SUGCT: variants seen among roughly 807,000 people sequenced by gnomAD.
The protein encoded by SUGCT is succinyl-CoA:glutarate CoA-transferase.
In SUGCT, 41 loss-of-function variants were observed where a neutral mutation model predicts 55.0. That is an observed-to-expected ratio of 0.74 (90% CI 0.58 to 0.97). The LOEUF (loss-of-function observed/expected upper bound fraction) is 0.97. Ranked by LOEUF, SUGCT falls within the 50% of genes least tolerant of loss-of-function variation. SUGCT has a pLI of 0.00. For synonymous variants in SUGCT, 187 were observed against 200.4 expected (o/e 0.93, Z 0.56); for missense variants, 568 against 547.8 (o/e 1.04, Z -0.37).
chr7:40,942,929 A>G, the SUGCT span, among the ~76,000 whole-genome samples: 1 of 152,074 alleles, frequency 6.6e-6, no homozygotes, highest in Non-Finnish European at 1.5e-5. Flanking sequence ...TTTAAAAAAT[A>G]TCTGTCTCTT....
chr7:40,822,312 A>G (rs913329204), intron 13 of SUGCT, among the ~76,000 whole-genome samples: 1 of 152,046 alleles, frequency 6.6e-6, no homozygotes, highest in Non-Finnish European at 1.5e-5. Flanking sequence ...CAATTCCTGG[A>G]TATCCTTGTT....
chr7:40,281,846 G>A (rs1792972589), intron 8 of SUGCT, among the ~76,000 whole-genome samples: 1 of 152,046 alleles, frequency 6.6e-6, no homozygotes, highest in East Asian at 1.9e-4. Flanking sequence ...TGGAGACAGG[G>A]TCTCAATCTG....
At chr7:40,989,250 C>A in the SUGCT span, among the ~76,000 whole-genome samples, 1 of 152,162 alleles carries the variant, frequency 6.6e-6, no homozygotes, top group Non-Finnish European at 1.5e-5. Context: ...GATACTGTTT[C>A]ATAGCATTTT....
chr7:40,429,108 C>T (rs1443014016), intron 9 of SUGCT, among the ~76,000 whole-genome samples: 1 of 125,630 alleles, frequency 8.0e-6, no homozygotes. Flanking sequence ...TATCCATCAT[C>T]TCACATAATT....
At chr7:40,238,362 CA>C (rs1266126330) in intron 7 of SUGCT, among the ~76,000 whole-genome samples, 2 of 150,988 alleles carry the variant, frequency 1.3e-5, no homozygotes, top group Admixed American at 1.3e-4. Context: ...TTTAGATGGC[CA>C]AAATGTGGTT....
intron 13 of SUGCT, among the ~76,000 whole-genome samples, chr7:40,810,302 CA>C (rs1200470156): frequency 2.6e-5 from 4 of 152,080 alleles, no homozygotes; most frequent in Admixed American, 6.5e-5. Flanking sequence ...ATTGCTAGGT[CA>C]AATGGAAGCT....
rs147377306 is a variant in SUGCT, at chr7:40,551,605, C to A, written c.1089+55219C>A. Among the ~76,000 whole-genome samples, 580 of 152,258 alleles carry A rather than the reference C, an allele frequency of 3.8e-3. 3 individuals are homozygous for A. The highest frequency in any genetic ancestry group is 6.7e-3 in the Non-Finnish European group (457 of 68,026). ...GTATCCATCATTCACTCCACATACA[C>A]CCATGGGCACCATAAGTGATCACTC... is the stretch of plus-strand genomic sequence containing the variant. On this transcript the variant is annotated intron_variant, in intron 12 of 13. Transcript: ENST00000335693.
rs140984053 is a variant in SUGCT, at chr7:40,169,583, C to T, written c.101-11364C>T. ...ATTCCCTTGACATAATAGACATGGA[C>T]GAAGGGGAGGCTTATTTCTATTCGG... On this transcript the variant is annotated intron_variant, in intron 1 of 13. Coordinates refer to ENST00000335693, the MANE Select transcript of SUGCT (RefSeq NM_001193313.2). Among the ~76,000 whole-genome samples, 427 of 152,230 alleles carry T rather than the reference C, an allele frequency of 2.8e-3. 1 individual carries two copies. Among genetic ancestry groups the T allele is most frequent in the African/African-American group, 9.6e-3 (400 of 41,552 alleles).
intron 13 of SUGCT, among the ~76,000 whole-genome samples, chr7:40,846,339 G>C (rs934283690): frequency 2.0e-5 from 3 of 151,154 alleles, no homozygotes; most frequent in South Asian, 4.2e-4. Flanking sequence ...GTATTCGTGA[G>C]TGTCTAAAAT....
intron 9 of SUGCT, among the ~76,000 whole-genome samples, chr7:40,405,437 A>C (rs1021269574): frequency 1.3e-5 from 2 of 152,332 alleles, no homozygotes; most frequent in African/African-American, 4.8e-5. Context: ...AACATGTTTT[A>C]ATTATTACAA....
intron 13 of SUGCT, among the ~76,000 whole-genome samples, chr7:40,854,011 C>T (rs1300155803): frequency 2.6e-5 from 4 of 152,168 alleles, no homozygotes; most frequent in Non-Finnish European, 5.9e-5. Context: ...AGAGAATGCA[C>T]AAGGTTATAT....
the SUGCT span, among the ~76,000 whole-genome samples, chr7:40,881,190 T>G: frequency 6.6e-6 from 1 of 152,182 alleles, no homozygotes; most frequent in Non-Finnish European, 1.5e-5. Flanking sequence ...GCACCCATCA[T>G]TAACTACTTC....
intron 1 of SUGCT, among the ~76,000 whole-genome samples, chr7:40,164,146 C>T (rs566967826): frequency 3.5e-5 from 5 of 143,594 alleles, no homozygotes; most frequent in African/African-American, 5.1e-5. Flanking sequence ...TTTTTTGAGA[C>T]GGAGTCTCGT....
intron 12 of SUGCT, among the ~76,000 whole-genome samples, chr7:40,621,895 T>C (rs1799282314): frequency 6.6e-6 from 1 of 152,076 alleles, no homozygotes; most frequent in Admixed American, 6.5e-5. Flanking sequence ...GATTGGAAAA[T>C]ATGATCATTA....
the SUGCT span, among the ~76,000 whole-genome samples, chr7:41,037,130 G>A: frequency 2.0e-5 from 3 of 152,180 alleles, no homozygotes; most frequent in East Asian, 1.9e-4. Flanking sequence ...ATATGATTAC[G>A]TGTGTGAAAT....
In SUGCT at chr7:40,365,864, A is replaced by G. The variant is rs576419607; in HGVS notation, c.816+49009A>G. ...CAATGTAATTTATAGATTCAATGCC[A>G]TCCCCATCAAGCTACCAACGACTTT... On this transcript the variant is annotated intron_variant, in intron 9 of 13. Coordinates refer to ENST00000335693, the MANE Select transcript of SUGCT (RefSeq NM_001193313.2). Among the ~76,000 whole-genome samples, 3 of 152,348 alleles carry G rather than the reference A, an allele frequency of 2.0e-5. No homozygotes were observed. In the South Asian group the frequency reaches 6.2e-4, roughly 32 times the overall value.
At chr7:40,923,465 C>T in the SUGCT span, among the ~76,000 whole-genome samples, 2 of 152,120 alleles carry the variant, frequency 1.3e-5, no homozygotes, top group African/African-American at 4.8e-5. Flanking sequence ...ATTCAGAGCA[C>T]AAAGCTCTTA....
intron 12 of SUGCT, among the ~76,000 whole-genome samples, chr7:40,559,739 A>G (rs1244898419): frequency 1.3e-5 from 2 of 152,224 alleles, no homozygotes; most frequent in Non-Finnish European, 2.9e-5. Flanking sequence ...TGTGGGATGG[A>G]GAACTGACCT....
intron 9 of SUGCT, among the ~76,000 whole-genome samples, chr7:40,366,066 A>G (rs994454595): frequency 2.6e-5 from 4 of 152,212 alleles, no homozygotes; most frequent in African/African-American, 9.6e-5. Context: ...CAAAACAGAG[A>G]TATAGATCAG....
Sources: allele counts gnomAD v4.1 joint callset (sites outside exome capture counted in the v4.1 genomes callset), GRCh38; gene constraint gnomAD v4.1.1; transcripts MANE v1.5; gene names NCBI Gene and HGNC (gene_info 2026-07-23, HGNC 2026-07-21).